Variants in LUZP2 observed in about 807,000 individuals in gnomAD.
LUZP2 encodes the protein leucine zipper protein 2.
Under a neutral mutation model 51.6 loss-of-function variants are expected in LUZP2, and 52 were observed. The ratio of observed to expected loss-of-function variants is 1.01; its 90% CI spans 0.81 to 1.27. The LOEUF (loss-of-function observed/expected upper bound fraction) is 1.27, where lower values mean the gene tolerates loss of function less well. Ranked by LOEUF, LUZP2 falls within the 50% of genes most tolerant of loss-of-function variation. The probability of loss-of-function intolerance (pLI) is 0.00; values close to 1 mark genes in which losing one functional copy is unlikely to be tolerated. For missense variants in LUZP2, 436 were observed against 395.4 expected, an observed-to-expected ratio of 1.10 and a Z score of -0.87; for synonymous variants, 154 against 137.3, an observed-to-expected ratio of 1.12 and a Z score of -0.85.
At chr11:24,621,282 A>G (rs117462996) in intron 1 of LUZP2, among the ~76,000 whole-genome samples, 4,050 of 152,344 alleles carry the variant, frequency 0.027, 96 homozygotes, top group Middle Eastern at 0.044. Flanking sequence ...GAGATTCAGA[A>G]AAAGACACTA....
intron 6 of LUZP2, among the ~76,000 whole-genome samples, chr11:24,908,480 G>T (rs1297014047): frequency 1.3e-5 from 2 of 151,970 alleles, no homozygotes; most frequent in Admixed American, 1.3e-4. Context: ...CTTTAATTTT[G>T]CCGTGAAATC....
intron 5 of LUZP2, among the ~76,000 whole-genome samples, chr11:24,858,654 C>G (rs960080071): frequency 2.0e-5 from 3 of 152,092 alleles, no homozygotes; most frequent in Non-Finnish European, 4.4e-5. Flanking sequence ...TAAACCACTG[C>G]CTTCTGAATG....
chr11:24,878,887 T>G (rs2134287034), intron 5 of LUZP2, among the ~76,000 whole-genome samples: 1 of 152,194 alleles, frequency 6.6e-6, no homozygotes, highest in African/African-American at 2.4e-5. Context: ...TTTCTGTTCC[T>G]GTGGTAGTCG....
intron 5 of LUZP2, chr11:24,891,315 A>G (rs925310249): frequency 1.5e-5 from 14 of 963,744 alleles, no homozygotes; most frequent in Middle Eastern, 5.3e-4. Flanking sequence ...TAAGGAAGCC[A>G]TATCACAAAC....
intron 5 of LUZP2, among the ~76,000 whole-genome samples, chr11:24,810,975 G>T (rs1298229955): frequency 6.6e-6 from 1 of 152,114 alleles, no homozygotes; most frequent in Non-Finnish European, 1.5e-5. Flanking sequence ...TCAACTGGGA[G>T]TTCATGACAA....
At chr11:25,038,292 A>G (rs1011619257) in intron 9 of LUZP2, among the ~76,000 whole-genome samples, 1 of 152,126 alleles carries the variant, frequency 6.6e-6, no homozygotes, top group Admixed American at 6.6e-5. Flanking sequence ...AGCTTGGTCT[A>G]TTCTACTGTT....
At chr11:24,736,177 TATAG>T (rs1171605170) in intron 3 of LUZP2, among the ~76,000 whole-genome samples, 2 of 151,812 alleles carry the variant, frequency 1.3e-5, no homozygotes, top group African/African-American at 2.4e-5. Context: ...GGAAGAAATA[TATAG>T]ATAGATACCT....
At chr11:25,041,724 T>A (rs959130656) in intron 9 of LUZP2, among the ~76,000 whole-genome samples, 7 of 152,152 alleles carry the variant, frequency 4.6e-5, no homozygotes, top group African/African-American at 1.7e-4. Context: ...GTCAGCCACT[T>A]TTACTCTCCT....
chr11:24,962,256 G>C (rs1320612441), intron 7 of LUZP2, among the ~76,000 whole-genome samples: 1 of 151,816 alleles, frequency 6.6e-6, no homozygotes, highest in East Asian at 1.9e-4. Context: ...GAGTAGAAGA[G>C]CAACTCCTAC....
At chr11:24,897,357 A>G (rs886186381) in intron 5 of LUZP2, among the ~76,000 whole-genome samples, 6 of 152,188 alleles carry the variant, frequency 3.9e-5, no homozygotes, top group African/African-American at 1.2e-4. Flanking sequence ...GCTCTTTGCA[A>G]TAAATCTTGT....
At chr11:24,963,973 A>G (rs1212647472) in intron 7 of LUZP2, among the ~76,000 whole-genome samples, 2 of 152,204 alleles carry the variant, frequency 1.3e-5, no homozygotes, top group Admixed American at 1.3e-4. Context: ...AAACATGGGA[A>G]TGCAGATATC....
intron 1 of LUZP2, among the ~76,000 whole-genome samples, chr11:24,560,233 T>C (rs1851994549): frequency 6.6e-6 from 1 of 152,216 alleles, no homozygotes; most frequent in African/African-American, 2.4e-5. Context: ...CAAGAAACAG[T>C]TTCTGTGTTG....
chr11:24,818,084 T>TG (rs1850238522), intron 5 of LUZP2, among the ~76,000 whole-genome samples: 1 of 152,088 alleles, frequency 6.6e-6, no homozygotes, highest in Middle Eastern at 3.2e-3. Context: ...TGCAGCAACT[T>TG]GATTTTTTTA....
At chr11:24,794,980 T>C (rs1849509923) in intron 5 of LUZP2, among the ~76,000 whole-genome samples, 1 of 152,118 alleles carries the variant, frequency 6.6e-6, no homozygotes, top group East Asian at 1.9e-4. Flanking sequence ...GTGTTGAAGA[T>C]AGAGGGCAGA....
chr11:24,785,566 TATA>T (rs1480642370), intron 5 of LUZP2, among the ~76,000 whole-genome samples: 2 of 151,928 alleles, frequency 1.3e-5, no homozygotes, highest in African/African-American at 4.8e-5. Flanking sequence ...ACAATATAAA[TATA>T]AGAAGAGTAT....
intron 1 of LUZP2, among the ~76,000 whole-genome samples, chr11:24,557,324 T>A (rs1851901112): frequency 6.6e-6 from 1 of 152,134 alleles, no homozygotes; most frequent in Admixed American, 6.6e-5. Flanking sequence ...TGCCAAAATG[T>A]GAATTAATAG....
Position 24,521,076 on chromosome 11 carries a change from C to G in LUZP2, c.62+23771C>G, listed in dbSNP as rs528595944. 6.0e-4 allele frequency among the ~76,000 whole-genome samples: 91 copies of G among 152,242 alleles called. 1 individual carries two copies. The highest frequency in any genetic ancestry group is 1.0e-3 in the Non-Finnish European group (70 of 68,004). On this transcript the variant is annotated intron_variant, in intron 1 of 11. Coordinates refer to ENST00000336930, the MANE Select transcript of LUZP2 (RefSeq NM_001009909.4). The stretch of plus-strand genomic sequence containing the variant: ...TAGGAAAACAGATTGTGTGGCTGGG[C>G]GTGGTGGCTCACGCCTGTAATCCCA...
chr11:24,626,645 C>T (rs183174934), intron 1 of LUZP2, among the ~76,000 whole-genome samples: 1 of 152,268 alleles, frequency 6.6e-6, no homozygotes, highest in East Asian at 1.9e-4. Context: ...CTAACTGTTA[C>T]TGAACTTCAG....
chr11:25,079,016 T>A lies in LUZP2; in HGVS notation c.*358T>A. 1 of 174,260 alleles carries A rather than the reference T, an allele frequency of 5.7e-6. No homozygotes were observed. The highest frequency in any genetic ancestry group is 1.2e-5 in the Non-Finnish European group (1 of 83,474). 10.8% of individuals were successfully genotyped at this position (174,260 alleles called of 1,614,324 possible). A position where few individuals can be genotyped will look rare whatever the true frequency, so the allele number is the denominator to read the frequency against. On this transcript the variant is annotated 3_prime_UTR_variant, in exon 12 of 12. Coordinates refer to ENST00000336930, the MANE Select transcript of LUZP2 (RefSeq NM_001009909.4). ...AATCAACTGGAGGATAATAAAATAT[T>A]GTGGGTTCTCAGCATTCTTAGAATC...
Sources: allele counts gnomAD v4.1 joint callset (sites outside exome capture counted in the v4.1 genomes callset), GRCh38; gene constraint gnomAD v4.1.1; transcripts MANE v1.5; gene names NCBI Gene and HGNC (gene_info 2026-07-23, HGNC 2026-07-21).